Variants in ADAM32 observed in about 807,000 individuals in gnomAD.
The protein encoded by ADAM32 is ADAM metallopeptidase domain 32.
A neutral mutation model predicts 114.9 loss-of-function variants in ADAM32; 89 were observed. The ratio of observed to expected loss-of-function variants is 0.77; its 90% CI spans 0.65 to 0.92. ADAM32 has a LOEUF of 0.92. Ranked by LOEUF, ADAM32 falls within the 40% of genes least tolerant of loss-of-function variation. ADAM32 has a pLI of 0.00. For missense variants in ADAM32, 870 were observed against 932.8 expected (o/e 0.93, Z 0.88); for synonymous variants, 285 against 307.5 (o/e 0.93, Z 0.77).
chr8:39,149,763 T>C (rs759172209), intron 4 of ADAM32, 28 bp from the exon 5 acceptor site: 1 of 1,528,520 alleles, frequency 6.5e-7, no homozygotes, highest in Admixed American at 1.7e-5. Flanking sequence ...ACTTCCTAAG[T>C]GACTACTTTA....
Position 39,211,259 on chromosome 8 carries a change from C to T in ADAM32, c.1168C>T (p.Pro390Ser). The change falls in exon 12 of 25, where the codon CCG becomes TCG. Residue 390 changes from proline to serine, a missense_variant. Physicochemically the swap from Pro to Ser is moderately conservative, Grantham distance 74 (BLOSUM62 -1). Transcript: ENST00000379907. ...QNKPQMQKKS[P>S]KPVCGNGRLE... Reference sequence around the variant, plus strand: ...TAAGCCACAAATGCAAAAAAAATCTCCGAAACCAGTCTGTGGCAATGGCAG... The same window carrying T: ...TAAGCCACAAATGCAAAAAAAATCTTCGAAACCAGTCTGTGGCAATGGCAG... 1 of 1,602,148 alleles carries T rather than the reference C, an allele frequency of 6.2e-7. No individual in the cohort carries two copies. The highest frequency in any genetic ancestry group is 1.1e-5 in the South Asian group (1 of 88,930).
chr8:39,138,545 T>C (rs1176842592), intron 3 of ADAM32, among the ~76,000 whole-genome samples: 1 of 152,238 alleles, frequency 6.6e-6, no homozygotes, highest in African/African-American at 2.4e-5. Flanking sequence ...GGTGTATATA[T>C]GCCATATTTT....
chr8:39,278,380 C>T (rs9801845), intron 22 of ADAM32, among the ~76,000 whole-genome samples: 32,846 of 151,920 alleles, frequency 0.22, 3,772 homozygotes, highest in East Asian at 0.27. Flanking sequence ...TTGAGGGTGG[C>T]GCTTTTGCCA....
At chr8:39,152,264 G>A (rs1454807481) in intron 6 of ADAM32, among the ~76,000 whole-genome samples, 1 of 152,162 alleles carries the variant, frequency 6.6e-6, no homozygotes, top group Non-Finnish European at 1.5e-5. Context: ...ATTGTTCAGT[G>A]AACACACTAT....
chr8:39,135,975 G>T (rs989442607), intron 2 of ADAM32, among the ~76,000 whole-genome samples: 3 of 152,120 alleles, frequency 2.0e-5, no homozygotes, highest in African/African-American at 7.2e-5. Flanking sequence ...TATTTTCAGA[G>T]ATCCTGGAAT....
At chr8:39,187,790 T>C (rs747376597) in intron 11 of ADAM32, among the ~76,000 whole-genome samples, 5 of 152,184 alleles carry the variant, frequency 3.3e-5, no homozygotes, top group Admixed American at 6.5e-5. Context: ...TTCTCATCTT[T>C]AAATGGGAAT....
At chr8:39,216,005 T>C (rs1009782610) in intron 12 of ADAM32, among the ~76,000 whole-genome samples, 1 of 152,014 alleles carries the variant, frequency 6.6e-6, no homozygotes, top group South Asian at 2.1e-4. Context: ...GATGTCAAAG[T>C]CTCCAGCTGT....
At chr8:39,161,541 G>A (rs890874914) in intron 7 of ADAM32, among the ~76,000 whole-genome samples, 4 of 152,198 alleles carry the variant, frequency 2.6e-5, no homozygotes, top group African/African-American at 9.6e-5. Context: ...TTAGTTTGCA[G>A]TCAACTAGGT....
chr8:39,108,971 CTA>C (rs1840040813), intron 1 of ADAM32, among the ~76,000 whole-genome samples: 1 of 152,178 alleles, frequency 6.6e-6, no homozygotes, highest in South Asian at 2.1e-4. Flanking sequence ...GGGTCCCACT[CTA>C]TGCCTAAAAC....
At chr8:39,184,633 G>T (rs1327180198) in intron 10 of ADAM32, among the ~76,000 whole-genome samples, 1 of 152,074 alleles carries the variant, frequency 6.6e-6, no homozygotes, top group Non-Finnish European at 1.5e-5. Context: ...ATAGCTACAG[G>T]TCCCTCTGTG....
At chr8:39,187,463 G>A (rs1039589194) in intron 11 of ADAM32, among the ~76,000 whole-genome samples, 4 of 151,954 alleles carry the variant, frequency 2.6e-5, no homozygotes, top group Admixed American at 6.6e-5. Flanking sequence ...AGTAGAGACC[G>A]GGTTTCACCA....
At chr8:39,145,509 C>T (rs1319278851) in intron 3 of ADAM32, among the ~76,000 whole-genome samples, 1 of 151,902 alleles carries the variant, frequency 6.6e-6, no homozygotes. Context: ...GAAAGAGAAA[C>T]AGCCTAGAAT....
chr8:39,258,081 A>C (rs1002386241), intron 19 of ADAM32, among the ~76,000 whole-genome samples: 1 of 151,182 alleles, frequency 6.6e-6, no homozygotes, highest in South Asian at 2.1e-4. Context: ...AAATAGCTAT[A>C]CTTTCTCTGC....
At chr8:39,195,420 G>GT (rs1183335123) in intron 11 of ADAM32, among the ~76,000 whole-genome samples, 4 of 152,222 alleles carry the variant, frequency 2.6e-5, no homozygotes, top group African/African-American at 9.7e-5. Context: ...TTTGCTGTAC[G>GT]TAAGTTTTTT....
intron 16 of ADAM32, among the ~76,000 whole-genome samples, chr8:39,243,096 C>T (rs1370935275): frequency 6.6e-6 from 1 of 151,870 alleles, no homozygotes; most frequent in African/African-American, 2.4e-5. Context: ...GAAATAGAAA[C>T]TCTGAACAGA....
chr8:39,223,838 C>G (rs1251252530), intron 14 of ADAM32: 1 of 152,110 alleles, frequency 6.6e-6, no homozygotes, highest in African/African-American at 2.4e-5. Context: ...TCATTCTACT[C>G]TCTGCATTTT....
chr8:39,232,352 TC>T (rs1225088165), intron 15 of ADAM32, among the ~76,000 whole-genome samples: 2 of 152,136 alleles, frequency 1.3e-5, no homozygotes, highest in East Asian at 3.9e-4. Context: ...CCATTATGTT[TC>T]TAAATCCAAT....
rs546947720 is a variant in ADAM32, at chr8:39,237,883, G to T, written c.1818+3801G>T. On this transcript the variant is annotated intron_variant, in intron 16 of 24. Coordinates refer to ENST00000379907, the MANE Select transcript of ADAM32 (RefSeq NM_145004.7). ...CCTGAAAAACTTGAATACTTACCTGGGTGACCTTAGGGCAAGCTTGTATTC... is the reference window on the plus strand; with the variant it reads ...CCTGAAAAACTTGAATACTTACCTGTGTGACCTTAGGGCAAGCTTGTATTC... 2.3e-3 allele frequency among the ~76,000 whole-genome samples: 356 copies of T among 152,244 alleles called. 2 individuals are homozygous for T. Among genetic ancestry groups the T allele is most frequent in the African/African-American group, 7.6e-3 (314 of 41,536 alleles).
intron 6 of ADAM32, among the ~76,000 whole-genome samples, chr8:39,160,539 C>CAA (rs71218314): frequency 2.9e-4 from 20 of 68,386 alleles, no homozygotes; most frequent in African/African-American, 1.3e-3. Context: ...GACTCCATCT[C>CAA]AAAAAAAAAA....
Sources: gnomAD v4.1 joint callset for allele counts (sites outside exome capture counted in the v4.1 genomes callset) on GRCh38, gnomAD v4.1.1 for gene constraint, MANE v1.5 for transcripts, NCBI Gene and HGNC (gene_info 2026-07-23, HGNC 2026-07-21) for gene names.